KIAA1217: variants seen among roughly 807,000 people sequenced by gnomAD.
KIAA1217 encodes the protein KIAA1217.
Under a neutral mutation model 163.9 loss-of-function variants are expected in KIAA1217, and 88 were observed. The ratio of observed to expected loss-of-function variants is 0.54; its 90% CI spans 0.45 to 0.64. The LOEUF (loss-of-function observed/expected upper bound fraction) is 0.64, where lower values mean the gene tolerates loss of function less well. Among genes scored for constraint, KIAA1217 ranks in the 30% least tolerant of loss-of-function variants. The pLI is 0.00. For missense variants in KIAA1217, 2,372 were observed against 2,475.0 expected, an observed-to-expected ratio of 0.96 and a Z score of 0.88; for synonymous variants, 903 against 923.1, an observed-to-expected ratio of 0.98 and a Z score of 0.39.
chr10:23,828,594 GT>G (rs923131423), intron 1 of KIAA1217, among the ~76,000 whole-genome samples: 2 of 152,142 alleles, frequency 1.3e-5, no homozygotes, highest in Non-Finnish European at 2.9e-5. Flanking sequence ...AAAGCTAAAT[GT>G]TTTTGATTAA....
At chr10:23,875,984 G>T (rs941076383) in intron 1 of KIAA1217, among the ~76,000 whole-genome samples, 2 of 151,622 alleles carry the variant, frequency 1.3e-5, no homozygotes, top group Non-Finnish European at 2.9e-5. Context: ...AGCACTGGGA[G>T]AAATACCTAA....
At chr10:24,337,153 A>G (rs1232761153) in intron 2 of KIAA1217, among the ~76,000 whole-genome samples, 14 of 152,214 alleles carry the variant, frequency 9.2e-5, no homozygotes, top group Admixed American at 8.5e-4. Flanking sequence ...ATATTTGCAA[A>G]TCGTACACCT....
intron 1 of KIAA1217, among the ~76,000 whole-genome samples, chr10:23,718,584 A>C (rs2080387729): frequency 6.6e-6 from 1 of 152,144 alleles, no homozygotes; most frequent in African/African-American, 2.4e-5. Flanking sequence ...GATAAAATTA[A>C]GACTATTGTG....
intron 1 of KIAA1217, among the ~76,000 whole-genome samples, chr10:23,775,356 A>G (rs1466576062): frequency 2.6e-5 from 4 of 152,212 alleles, no homozygotes; most frequent in South Asian, 2.1e-4. Flanking sequence ...GGAGATGGGC[A>G]TATTTTGTTG....
chr10:24,227,221 G>T (rs977068904), intron 2 of KIAA1217, among the ~76,000 whole-genome samples: 1 of 150,224 alleles, frequency 6.7e-6, no homozygotes, highest in Non-Finnish European at 1.5e-5. Flanking sequence ...GCAATGGCGC[G>T]ATCTTTTCTC....
chr10:23,996,458 C>T (rs187862950), intron 1 of KIAA1217, among the ~76,000 whole-genome samples: 82 of 152,244 alleles, frequency 5.4e-4, no homozygotes, highest in African/African-American at 1.4e-3. Context: ...GCAAACACAA[C>T]GGCAGAAACT....
intron 2 of KIAA1217, among the ~76,000 whole-genome samples, chr10:24,272,337 T>C (rs1349222152): frequency 2.0e-5 from 3 of 152,322 alleles, no homozygotes; most frequent in Middle Eastern, 3.4e-3. Flanking sequence ...ATGTGTGACA[T>C]TTTTTCCACT....
chr10:24,190,894 TAA>T (rs35695716), intron 2 of KIAA1217, among the ~76,000 whole-genome samples: 1 of 150,966 alleles, frequency 6.6e-6, no homozygotes, highest in Non-Finnish European at 1.5e-5. Context: ...TTGTCATGCT[TAA>T]AAAAAAATGA....
chr10:24,473,295 A>T lies in KIAA1217; in HGVS notation c.914A>T (p.His305Leu). ...PGAPRPGSTA[H>L]PPHAIPNSPP... Reference sequence around the variant, plus strand: ...GCCCCTCGCCCCGGATCTACTGCTCATCCACCCCATGCGATTCCAAATTCC... The same window carrying T: ...GCCCCTCGCCCCGGATCTACTGCTCTTCCACCCCATGCGATTCCAAATTCC... The change falls in exon 6 of 21, where the codon CAT becomes CTT. Residue 305 changes from histidine (H) to leucine (L), a missense_variant. Physicochemically the swap from His to Leu is moderately conservative, Grantham distance 99. Around this residue, in one of 3 missense-constraint regions of KIAA1217, gnomAD observed 1,431 missense variants for 1,470.3 expected, o/e 0.97. Transcript: ENST00000376454. 7 of 1,543,306 alleles carry T rather than the reference A, an allele frequency of 4.5e-6. No homozygotes were observed. The highest frequency in any genetic ancestry group is 6.1e-6 in the Non-Finnish European group (7 of 1,145,626).
At chr10:24,236,948 G>T (rs1590125999) in intron 2 of KIAA1217, among the ~76,000 whole-genome samples, 1 of 152,132 alleles carries the variant, frequency 6.6e-6, no homozygotes, top group South Asian at 2.1e-4. Flanking sequence ...CACTGCTCCT[G>T]GCCCGTTTTC....
At chr10:23,781,997 G>A (rs1005148796) in intron 1 of KIAA1217, among the ~76,000 whole-genome samples, 3 of 152,066 alleles carry the variant, frequency 2.0e-5, no homozygotes, top group Non-Finnish European at 4.4e-5. Flanking sequence ...AAATCAAGAA[G>A]TGCAATACCC....
Position 24,046,099 on chromosome 10 carries a change from T to A in KIAA1217, c.-171+38725T>A, listed in dbSNP as rs561710949. 3.4e-3 allele frequency among the ~76,000 whole-genome samples: 511 copies of A among 152,190 alleles called. 2 individuals carry two copies. The highest frequency in any genetic ancestry group is 0.012 in the African/African-American group (491 of 41,514). ...TTTTGTCCTGATTTCATTTATTTAT[T>A]TATTTATTTATTTATTTTAGTTATG... On this transcript the variant is annotated intron_variant, in intron 2 of 18. Transcript: ENST00000376462.
rs114822955 is a variant in KIAA1217 at position 24,092,754 on chromosome 10, A to G, written c.-171+85380A>G. On this transcript the variant is annotated intron_variant, in intron 2 of 18. Coordinates refer to the KIAA1217 transcript ENST00000376462. ...GTAGGTTTCCAGGAGTGGAGACAGA[A>G]GAGTGAACTACTATGGGATAGCATG... Among the ~76,000 whole-genome samples the G allele has an allele frequency of 3.4e-4, 51 of 151,974 alleles. 3 individuals are homozygous for G. Among genetic ancestry groups the G allele is most frequent in the African/African-American group, 1.2e-3 (50 of 41,230 alleles).
chr10:24,479,806 G>A (rs932977492), intron 6 of KIAA1217, among the ~76,000 whole-genome samples: 3 of 152,096 alleles, frequency 2.0e-5, no homozygotes, highest in African/African-American at 7.2e-5. Flanking sequence ...AATCTGAGGG[G>A]GGTCTGGTTT....
At chr10:24,515,192 C>T (rs1382904231) in intron 10 of KIAA1217, among the ~76,000 whole-genome samples, 4 of 151,482 alleles carry the variant, frequency 2.6e-5, no homozygotes, top group East Asian at 2.0e-4. Context: ...GTCAGCCTCC[C>T]GAGTAGCTGG....
chr10:24,230,502 G>GGTTTT (rs1190436596), intron 2 of KIAA1217, among the ~76,000 whole-genome samples: 2 of 90,608 alleles, frequency 2.2e-5, no homozygotes, highest in African/African-American at 4.5e-5. Flanking sequence ...TATTTGTTTT[G>GGTTTT]TTTTTTTTTT....
At chr10:23,759,300 A>AT (rs1227294223) in intron 1 of KIAA1217, among the ~76,000 whole-genome samples, 5 of 150,746 alleles carry the variant, frequency 3.3e-5, no homozygotes, top group Admixed American at 1.3e-4. Flanking sequence ...TAGTTCTAAC[A>AT]TTTTTTGGTG....
intron 2 of KIAA1217, among the ~76,000 whole-genome samples, chr10:24,178,283 A>C (rs981649194): frequency 6.6e-6 from 1 of 152,210 alleles, no homozygotes; most frequent in East Asian, 1.9e-4. Context: ...TATTTGTATA[A>C]AGTGACTTAC....
At chr10:24,067,830 G>A (rs1287853166) in intron 2 of KIAA1217, among the ~76,000 whole-genome samples, 1 of 152,220 alleles carries the variant, frequency 6.6e-6, no homozygotes, top group Non-Finnish European at 1.5e-5. Context: ...ACCTACTCAA[G>A]CCTGAGCAAT....
Sources: allele counts gnomAD v4.1 joint callset (sites outside exome capture counted in the v4.1 genomes callset), GRCh38; gene constraint gnomAD v4.1.1; regional missense constraint gnomAD v4.1.1; transcripts MANE v1.5; gene names NCBI Gene and HGNC (gene_info 2026-07-23, HGNC 2026-07-21).